MACF1: variants seen among roughly 807,000 people sequenced by gnomAD.
MACF1 encodes microtubule actin crosslinking factor 1.
Under a neutral mutation model 854.8 loss-of-function variants are expected in MACF1, and 193 were observed. The observed-to-expected ratio is 0.23, with a 90% CI of 0.20 to 0.25. The LOEUF is 0.25. Among genes scored for constraint, MACF1 ranks in the 10% least tolerant of loss-of-function variants. The probability of loss-of-function intolerance (pLI) is 1.00; values close to 1 mark genes in which losing one functional copy is unlikely to be tolerated. For synonymous variants in MACF1, 3,185 were observed against 3,226.7 expected (o/e 0.99, Z 0.44); for missense variants, 7,722 against 8,929.1 (o/e 0.86, Z 5.45).
In MACF1 at chr1:39,350,955, A is replaced by T; in HGVS notation, c.11136A>T (p.Thr3712=). The T allele has an allele frequency of 6.2e-7, 1 of 1,614,176 alleles. No homozygotes were observed. Among genetic ancestry groups the T allele is most frequent in the South Asian group, 1.1e-5 (1 of 91,078 alleles). The change falls in exon 43 of 101, where the codon ACA becomes ACT. Residue 3712 remains threonine (T), a synonymous_variant. Coordinates refer to ENST00000564288, the MANE Select transcript of MACF1 (RefSeq NM_001394062.1). ...AATATGAGGCGCTCCAGGAAGAGAC[A>T]CGTGTGGCCCAGAAGGAACTGGAGG... The part of the protein sequence containing the change: ...KEQYEALQEE[T]RVAQKELEEA...
chr1:39,455,112 C>G lies in MACF1; in HGVS notation c.21075+15C>G. The G allele has an allele frequency of 6.2e-7, 1 of 1,611,174 alleles. No homozygotes were observed. The highest frequency in any genetic ancestry group is 8.5e-7 in the Non-Finnish European group (1 of 1,178,154). ...CTGAGCATCAGGTATCTTAACCTCA[C>G]TGTGTGATCACTGGTGTTTTCCGTG... On this transcript the variant is annotated intron_variant, in intron 89 of 100. Transcript: ENST00000564288.
chr1:39,407,150 G>A (rs961844440), intron 58 of MACF1, among the ~76,000 whole-genome samples: 4 of 152,152 alleles, frequency 2.6e-5, no homozygotes, highest in African/African-American at 4.8e-5. Flanking sequence ...CACCTCCAGG[G>A]TCAGGAAAGT....
intron 2 of MACF1, among the ~76,000 whole-genome samples, chr1:39,166,071 AT>A (rs11435818): frequency 1.2e-4 from 17 of 144,212 alleles, no homozygotes; most frequent in African/African-American, 1.0e-4. Flanking sequence ...AGGGCACTAG[AT>A]TTTTTTTTTT....
intron 26 of MACF1, among the ~76,000 whole-genome samples, chr1:39,312,965 C>A (rs1310348662): frequency 2.0e-5 from 3 of 152,188 alleles, no homozygotes; most frequent in African/African-American, 7.2e-5. Flanking sequence ...GAAGGAAGGT[C>A]CAGGATTCAG....
chr1:39,417,531 T>A (rs1416306666), intron 58 of MACF1, among the ~76,000 whole-genome samples: 1 of 151,430 alleles, frequency 6.6e-6, no homozygotes, highest in Non-Finnish European at 1.5e-5. Context: ...ATTCATTCAT[T>A]CATGGAACAA....
At chr1:39,162,506 T>C (rs567159054) in intron 2 of MACF1, among the ~76,000 whole-genome samples, 1 of 152,354 alleles carries the variant, frequency 6.6e-6, no homozygotes, top group African/African-American at 2.4e-5. Flanking sequence ...AAGTTTTGTT[T>C]TTGTTTTTGT....
intron 26 of MACF1, 107 bp downstream of exon 26, chr1:39,311,107 A>G: frequency 8.2e-7 from 1 of 1,226,744 alleles, no homozygotes; most frequent in Non-Finnish European, 1.1e-6. Context: ...GACTCAAGAC[A>G]GTCCTTCTCA....
At chr1:39,338,489 T>C (rs1646866844) in intron 38 of MACF1, among the ~76,000 whole-genome samples, 1 of 152,166 alleles carries the variant, frequency 6.6e-6, no homozygotes, top group Non-Finnish European at 1.5e-5. Flanking sequence ...AAAATGGATA[T>C]GCAAACGGGC....
chr1:39,334,061 A>G lies in MACF1; in HGVS notation c.7473A>G (p.Arg2491=). 6.2e-7 allele frequency: 1 copy of G among 1,614,160 alleles called. No individual in the cohort carries two copies. The highest frequency in any genetic ancestry group is 8.5e-7 in the Non-Finnish European group (1 of 1,180,028). Residue 2491 remains arginine, a synonymous_variant, in exon 37 of 101, where the codon AGA becomes AGG. Coordinates refer to ENST00000564288, the MANE Select transcript of MACF1 (RefSeq NM_001394062.1). The stretch of plus-strand genomic sequence containing the variant: ...CCATTGACAGAGGTCTTTTGGAGAG[A>G]GAGGAGGCCGTTCGTTTGTTGACTA... ...VQSIDRGLLE[R]EEAVRLLTKQ...
chr1:39,348,625 G>T (rs530045280), intron 41 of MACF1, among the ~76,000 whole-genome samples: 1 of 152,154 alleles, frequency 6.6e-6, no homozygotes, highest in Admixed American at 6.6e-5. Flanking sequence ...GGGGAGAGAG[G>T]GCCAATTTGG....
intron 15 of MACF1, among the ~76,000 whole-genome samples, chr1:39,289,355 A>C (rs1362322410): frequency 6.6e-6 from 1 of 152,216 alleles, no homozygotes; most frequent in Non-Finnish European, 1.5e-5. Context: ...ATTCCCACCA[A>C]CAGCATACGA....
chr1:39,184,677 G>A (rs1300838798), intron 2 of MACF1, among the ~76,000 whole-genome samples: 2 of 152,026 alleles, frequency 1.3e-5, no homozygotes, highest in Non-Finnish European at 2.9e-5. Flanking sequence ...AAGTTGGTTA[G>A]GTTATTCAGG....
chr1:39,292,721 T>C (rs1198773125), intron 16 of MACF1, 45 bp from the exon 17 acceptor site: 2 of 1,358,584 alleles, frequency 1.5e-6, no homozygotes, highest in Non-Finnish European at 2.1e-6. Context: ...CGTAGTTTAC[T>C]TACTCTTTCT....
At chr1:39,393,846 G>A (rs1290687854) in intron 58 of MACF1, among the ~76,000 whole-genome samples, 12 of 140,808 alleles carry the variant, frequency 8.5e-5, no homozygotes, top group African/African-American at 1.6e-4. Flanking sequence ...AGGGAGGGAG[G>A]GAGAGAGAGA....
intron 2 of MACF1, among the ~76,000 whole-genome samples, chr1:39,146,575 T>G (rs903038600): frequency 1.2e-4 from 18 of 152,206 alleles, no homozygotes; most frequent in Non-Finnish European, 4.4e-5. Context: ...GACATTATGT[T>G]AAGCGAAATA....
chr1:39,482,654 G>A (rs1434346193), intron 99 of MACF1, among the ~76,000 whole-genome samples: 1 of 152,020 alleles, frequency 6.6e-6, no homozygotes, highest in Non-Finnish European at 1.5e-5. Flanking sequence ...AATTAGCTGG[G>A]TGTGGTGGCA....
rs113081332 is a variant in MACF1, at chr1:39,085,371, C to T, written c.220+933C>T. On this transcript the variant is annotated intron_variant, in intron 2 of 93. Transcript: ENST00000361689. ...TCAGCAGGGTGTTGGTGTTACAGTA[C>T]GGATAGGAAGATAGAGCAGTGCCTG... Among the ~76,000 whole-genome samples the T allele has an allele frequency of 5.5e-3, 840 of 152,286 alleles. 7 individuals carry two copies. Among genetic ancestry groups the T allele is most frequent in the African/African-American group, 0.018 (759 of 41,558 alleles).
At position 39,251,852 on chromosome 1, in the gene MACF1, G is replaced by A; in HGVS notation, c.268G>A (p.Ala90Thr). Residue 90 changes from alanine (A) to threonine (T), a missense_variant, in exon 4 of 101, where the codon GCA becomes ACA. This residue lies in a region of MACF1 where 82 missense variants were observed against 84.0 expected (regional missense o/e 0.98). Transcript: ENST00000564288. ...EVLSGIKLEP[A>T]GLKTLRLVSM... ...CCTTGGTTGGTGGCCAAAGGAGCCAGCAGGGCTGAAGACCCTCCGTCTGGT... is the reference window on the plus strand; with the variant it reads ...CCTTGGTTGGTGGCCAAAGGAGCCAACAGGGCTGAAGACCCTCCGTCTGGT... 1 of 1,447,416 alleles carries A rather than the reference G, an allele frequency of 6.9e-7. No individual in the cohort carries two copies. 89.7% of individuals were successfully genotyped at this position (1,447,416 alleles called of 1,614,324 possible).
intron 2 of MACF1, among the ~76,000 whole-genome samples, chr1:39,133,512 C>T (rs1643066957): frequency 6.6e-6 from 1 of 151,838 alleles, no homozygotes; most frequent in Non-Finnish European, 1.5e-5. Context: ...TTTTCTCCTT[C>T]CTCGTCCTCC....
Sources: gnomAD v4.1 joint callset for allele counts (sites outside exome capture counted in the v4.1 genomes callset) on GRCh38, gnomAD v4.1.1 for gene constraint, gnomAD v4.1.1 regional missense constraint, MANE v1.5 for transcripts, NCBI Gene and HGNC (gene_info 2026-07-23, HGNC 2026-07-21) for gene names.